Variants in RANBP17 observed in about 807,000 individuals in gnomAD.
The protein encoded by RANBP17 is RAN binding protein 17, also known as ran-binding protein 17.
Under a neutral mutation model 141.2 loss-of-function variants are expected in RANBP17, and 158 were observed. The ratio of observed to expected loss-of-function variants is 1.12; its 90% CI spans 0.98 to 1.28. The LOEUF (loss-of-function observed/expected upper bound fraction) is 1.28. Among genes scored for constraint, RANBP17 ranks in the 50% most tolerant of loss-of-function variants. RANBP17 has a pLI of 0.00. For missense variants in RANBP17, 1,438 were observed against 1,290.7 expected (o/e 1.11, Z -1.75); for synonymous variants, 430 against 450.0 (o/e 0.96, Z 0.56).
chr5:171,004,953 C>T (rs770268559), intron 14 of RANBP17, among the ~76,000 whole-genome samples: 33 of 152,046 alleles, frequency 2.2e-4, no homozygotes, highest in African/African-American at 7.0e-4. Context: ...TTTCCTACAG[C>T]GGAGGCAAGT....
intron 14 of RANBP17, among the ~76,000 whole-genome samples, chr5:171,068,462 G>T (rs563349337): frequency 6.6e-6 from 1 of 152,100 alleles, no homozygotes; most frequent in Non-Finnish European, 1.5e-5. Context: ...TGGTTTCTCT[G>T]TATGCTTTGT....
At chr5:171,050,018 G>A (rs1782850179) in intron 14 of RANBP17, among the ~76,000 whole-genome samples, 1 of 152,136 alleles carries the variant, frequency 6.6e-6, no homozygotes, top group Admixed American at 6.5e-5. Flanking sequence ...CACATTGGTA[G>A]TTGATAGGAA....
At chr5:170,878,577 A>G (rs1768391009) in intron 2 of RANBP17, among the ~76,000 whole-genome samples, 1 of 152,162 alleles carries the variant, frequency 6.6e-6, no homozygotes, top group Non-Finnish European at 1.5e-5. Flanking sequence ...GGGGAGGCAG[A>G]TTGTAATTAC....
chr5:170,978,750 G>A (rs1218123233), intron 14 of RANBP17, among the ~76,000 whole-genome samples: 2 of 151,996 alleles, frequency 1.3e-5, no homozygotes, highest in Non-Finnish European at 2.9e-5. Context: ...AGCCTTCTGG[G>A]GACCTTGAAA....
At chr5:170,911,951 C>A (rs891169134) in intron 7 of RANBP17, among the ~76,000 whole-genome samples, 1 of 151,924 alleles carries the variant, frequency 6.6e-6, no homozygotes, top group Non-Finnish European at 1.5e-5. Flanking sequence ...CCAGGATCTT[C>A]TCTACCACCT....
intron 14 of RANBP17, among the ~76,000 whole-genome samples, chr5:171,117,829 T>TTTGTTG (rs57307801): frequency 0.023 from 3,419 of 147,524 alleles, 58 homozygotes; most frequent in African/African-American, 0.04. Flanking sequence ...TATGTGGGGT[T>TTTGTTG]TTGTTGTTGT....
At chr5:170,868,217 A>G (rs543315782) in intron 1 of RANBP17, among the ~76,000 whole-genome samples, 3 of 152,248 alleles carry the variant, frequency 2.0e-5, no homozygotes, top group South Asian at 4.1e-4. Context: ...ATTGTCTCCT[A>G]GGGTATGAAA....
rs575317924 is a variant in RANBP17 at position 171,220,838 on chromosome 5, G to A, written c.2340-920G>A. Among the ~76,000 whole-genome samples, 4 of 152,190 alleles carry A rather than the reference G, an allele frequency of 2.6e-5. No individual in the cohort carries two copies. The South Asian group carries it at 8.3e-4, about 32-fold the overall frequency. ...ATGTTATCTTTTCTATATTTCTCTA[G>A]AATTTAATGCAAATTATGTATATGC... On this transcript the variant is annotated intron_variant, in intron 21 of 27. Coordinates refer to ENST00000523189, the MANE Select transcript of RANBP17 (RefSeq NM_022897.5).
Position 171,112,893 on chromosome 5 carries a change from A to C in RANBP17, c.1711-57237A>C, listed in dbSNP as rs577320578. 7.9e-5 allele frequency among the ~76,000 whole-genome samples: 12 copies of C among 152,250 alleles called. No homozygotes were observed. In the East Asian group the frequency reaches 2.1e-3, roughly 27 times the overall value. On this transcript the variant is annotated intron_variant, in intron 14 of 27. Coordinates refer to ENST00000523189, the MANE Select transcript of RANBP17 (RefSeq NM_022897.5). ...TAGTGCAAGAAACAAAGTAGGAAAA[A>C]TCCAGGGCCTTCTTGGCTTTGTCAA...
chr5:171,117,953 A>T (rs1755764957), intron 14 of RANBP17, among the ~76,000 whole-genome samples: 1 of 152,154 alleles, frequency 6.6e-6, no homozygotes, highest in Non-Finnish European at 1.5e-5. Flanking sequence ...CCCATCCTGT[A>T]GGTTGTTCAC....
At position 170,907,789 on chromosome 5, in the gene RANBP17, GAA is replaced by G. The variant is rs534939235; in HGVS notation, c.490-1867_490-1866del. On this transcript the variant is annotated intron_variant, in intron 5 of 27. Coordinates refer to ENST00000523189, the MANE Select transcript of RANBP17 (RefSeq NM_022897.5). The stretch of plus-strand genomic sequence containing the variant: ...CTGTTTGCTTTTAATTTGTATTAAG[GAA>G]AAAATATTTTTATATATTGAGGAAA... Among the ~76,000 whole-genome samples, 852 of 151,888 alleles carry G rather than the reference GAA, an allele frequency of 5.6e-3. 2 individuals are homozygous for G. Among genetic ancestry groups the G allele is most frequent in the Non-Finnish European group, 8.9e-3 (606 of 67,850 alleles).
chr5:171,282,025 G>A (rs530552546), intron 25 of RANBP17, among the ~76,000 whole-genome samples: 1 of 152,312 alleles, frequency 6.6e-6, no homozygotes, highest in East Asian at 1.9e-4. Flanking sequence ...TGATTTAGGA[G>A]AATGGAAGGG....
chr5:171,096,345 T>G (rs780260094), intron 14 of RANBP17, among the ~76,000 whole-genome samples: 3 of 152,224 alleles, frequency 2.0e-5, no homozygotes, highest in Non-Finnish European at 4.4e-5. Context: ...AACTTATTGT[T>G]GTCTGTCTTC....
At chr5:171,155,106 T>TAC (rs1758796041) in intron 14 of RANBP17, among the ~76,000 whole-genome samples, 92 of 131,230 alleles carry the variant, frequency 7.0e-4, no homozygotes, top group African/African-American at 2.6e-3. Flanking sequence ...TATATATATA[T>TAC]ATATATATAT....
At chr5:171,287,416 G>A (rs756596425) in intron 25 of RANBP17, among the ~76,000 whole-genome samples, 8 of 151,790 alleles carry the variant, frequency 5.3e-5, no homozygotes, top group Non-Finnish European at 1.2e-4. Context: ...CTTGAACCCC[G>A]GAGGCGGAGG....
At chr5:171,057,906 A>C (rs1005033984) in intron 14 of RANBP17, among the ~76,000 whole-genome samples, 3 of 152,056 alleles carry the variant, frequency 2.0e-5, no homozygotes, top group Non-Finnish European at 4.4e-5. Flanking sequence ...TGACACATGG[A>C]GATTATGGGG....
chr5:170,920,504 A>G (rs1477062295), intron 11 of RANBP17, among the ~76,000 whole-genome samples: 2 of 110,456 alleles, frequency 1.8e-5, no homozygotes, highest in African/African-American at 3.0e-5. Context: ...ATTGGGTTGT[A>G]TATTTTCTTT....
At position 170,952,132 on chromosome 5, in the gene RANBP17, G is replaced by C. The variant is rs1775260259; in HGVS notation, c.1469-1465G>C. Among the ~76,000 whole-genome samples, 2 of 151,992 alleles carry C rather than the reference G, an allele frequency of 1.3e-5. 1 individual carries two copies. The highest frequency in any genetic ancestry group is 4.1e-4 in the South Asian group (2 of 4,832). Reference sequence around the variant, plus strand: ...CTTGATAGAGCCTACAGAGAAAGCAGGGTCATCAGAGTAGAGCTTCTATGA... The same window carrying C: ...CTTGATAGAGCCTACAGAGAAAGCACGGTCATCAGAGTAGAGCTTCTATGA... On this transcript the variant is annotated intron_variant, in intron 12 of 27. Coordinates refer to ENST00000523189, the MANE Select transcript of RANBP17 (RefSeq NM_022897.5).
intron 19 of RANBP17, 128 bp downstream of exon 19, chr5:171,199,901 T>A: frequency 2.1e-6 from 1 of 486,958 alleles, no homozygotes; most frequent in East Asian, 3.2e-5. Flanking sequence ...ATTGCATGTC[T>A]TTAATTTTTA....
Sources: gnomAD v4.1 joint callset for allele counts (sites outside exome capture counted in the v4.1 genomes callset) on GRCh38, gnomAD v4.1.1 for gene constraint, MANE v1.5 for transcripts, NCBI Gene and HGNC (gene_info 2026-07-23, HGNC 2026-07-21) for gene names.